SP4: variants seen among roughly 807,000 people sequenced by gnomAD.
SP4 encodes the protein transcription factor Sp4.
A neutral mutation model predicts 72.8 loss-of-function variants in SP4; 19 were observed. The ratio of observed to expected loss-of-function variants is 0.26; its 90% confidence interval spans 0.18 to 0.38. The LOEUF (loss-of-function observed/expected upper bound fraction) is 0.38. Among genes scored for constraint, SP4 ranks in the 10% least tolerant of loss-of-function variants. SP4 has a pLI of 1.00. For missense variants in SP4, 1,008 were observed against 926.3 expected (o/e 1.09, Z -1.14); for synonymous variants, 395 against 333.1 (o/e 1.19, Z -2.02).
chr7:21,509,791 A>G (rs1232938150), intron 5 of SP4, among the ~76,000 whole-genome samples: 2 of 152,250 alleles, frequency 1.3e-5, no homozygotes, highest in East Asian at 3.8e-4. Context: ...CAAGAAAAGA[A>G]ATTATCCAAA....
intron 5 of SP4, among the ~76,000 whole-genome samples, chr7:21,502,050 C>A (rs376468739): frequency 3.1e-5 from 4 of 128,150 alleles, no homozygotes; most frequent in Non-Finnish European, 6.4e-5. Context: ...ACCCCCCCCC[C>A]CCCGGAACTC....
intron 3 of SP4, among the ~76,000 whole-genome samples, chr7:21,464,072 T>C (rs1221307554): frequency 6.6e-6 from 1 of 151,702 alleles, no homozygotes; most frequent in African/African-American, 2.4e-5. Context: ...TTTATTATGA[T>C]AATTATTATT....
intron 5 of SP4, 73 bp from the exon 6 acceptor site, chr7:21,510,949 A>G: frequency 7.1e-7 from 1 of 1,410,584 alleles, no homozygotes. Flanking sequence ...TGTGACCAGA[A>G]GGGAGATTAT....
intron 5 of SP4, among the ~76,000 whole-genome samples, chr7:21,497,543 G>A (rs981352677): frequency 1.3e-5 from 2 of 152,070 alleles, no homozygotes; most frequent in Non-Finnish European, 2.9e-5. Flanking sequence ...GCAAAGTTTT[G>A]GAGGTTCTTC....
At chr7:21,481,092 G>A (rs1784672280) in intron 4 of SP4, among the ~76,000 whole-genome samples, 1 of 152,158 alleles carries the variant, frequency 6.6e-6, no homozygotes, top group Non-Finnish European at 1.5e-5. Flanking sequence ...CTATGAATGG[G>A]CCAGGTCAAG....
intron 3 of SP4, among the ~76,000 whole-genome samples, chr7:21,473,741 C>G (rs1989985): frequency 0.27 from 40,485 of 152,032 alleles, 6,843 homozygotes; most frequent in Non-Finnish European, 0.38. Flanking sequence ...CCCACTTAGA[C>G]TGGAGAGTAT....
At chr7:21,504,908 G>A (rs1398155542) in intron 5 of SP4, among the ~76,000 whole-genome samples, 3 of 152,158 alleles carry the variant, frequency 2.0e-5, no homozygotes, top group African/African-American at 7.2e-5. Context: ...GGAGGCAAAA[G>A]CAACAGATTC....
At chr7:21,440,938 G>A (rs1295890598) in intron 3 of SP4, among the ~76,000 whole-genome samples, 1 of 152,184 alleles carries the variant, frequency 6.6e-6, no homozygotes, top group Non-Finnish European at 1.5e-5. Flanking sequence ...AATGTCTGCT[G>A]TCTGATTAAC....
intron 5 of SP4, among the ~76,000 whole-genome samples, chr7:21,502,043 C>A (rs1055633596): frequency 3.1e-5 from 3 of 97,356 alleles, no homozygotes; most frequent in Non-Finnish European, 6.1e-5. Context: ...ATTAGGCACC[C>A]CCCCCCCCCC....
chr7:21,493,121 A>T (rs1785021392), intron 5 of SP4, among the ~76,000 whole-genome samples: 1 of 151,902 alleles, frequency 6.6e-6, no homozygotes, highest in Non-Finnish European at 1.5e-5. Flanking sequence ...AATTTCTGGA[A>T]CCCTGGAGGT....
intron 5 of SP4, among the ~76,000 whole-genome samples, chr7:21,482,992 T>C (rs1784726943): frequency 6.6e-6 from 1 of 152,210 alleles, no homozygotes; most frequent in African/African-American, 2.4e-5. Flanking sequence ...AGTGGAATTA[T>C]TGGATCATAG....
At chr7:21,441,934 A>T (rs953209635) in intron 3 of SP4, among the ~76,000 whole-genome samples, 2 of 151,980 alleles carry the variant, frequency 1.3e-5, no homozygotes, top group African/African-American at 4.8e-5. Context: ...TGTGGGAGAC[A>T]CACTGTACTT....
intron 3 of SP4, among the ~76,000 whole-genome samples, chr7:21,473,637 G>A (rs1370993790): frequency 6.6e-6 from 1 of 152,154 alleles, no homozygotes. Context: ...AGATGGGATG[G>A]TCAGGAATGG....
intron 5 of SP4, among the ~76,000 whole-genome samples, chr7:21,492,502 T>G (rs1028088576): frequency 6.6e-6 from 1 of 152,128 alleles, no homozygotes; most frequent in Admixed American, 6.5e-5. Flanking sequence ...CTGCAAATAT[T>G]CAAAAATCTG....
intron 3 of SP4, among the ~76,000 whole-genome samples, chr7:21,457,668 A>G (rs1034954099): frequency 3.3e-5 from 5 of 152,206 alleles, no homozygotes; most frequent in African/African-American, 9.6e-5. Flanking sequence ...GAGTTTTTCA[A>G]AGAAACCAAC....
rs185590308 is a variant in SP4 at position 21,501,147 on chromosome 7, C to T, written c.2108-9875C>T. Among the ~76,000 whole-genome samples, 23 of 152,274 alleles carry T rather than the reference C, an allele frequency of 1.5e-4. No individual in the cohort carries two copies. The East Asian group carries it at 2.1e-3, about 14-fold the overall frequency. ...TAATAAGGGTGTAATCTTCCCTTCC[C>T]TGCTTAAGTTTCGATTTCCCAATAA... is the stretch of plus-strand genomic sequence containing the variant. On this transcript the variant is annotated intron_variant, in intron 5 of 5. Transcript: ENST00000222584.
chr7:21,461,775 G>C (rs1783999055), intron 3 of SP4, among the ~76,000 whole-genome samples: 1 of 152,202 alleles, frequency 6.6e-6, no homozygotes, highest in African/African-American at 2.4e-5. Context: ...GTGAGCCAGG[G>C]CTGCCAGCAC....
intron 3 of SP4, among the ~76,000 whole-genome samples, chr7:21,474,746 A>G (rs541259205): frequency 6.6e-6 from 1 of 152,340 alleles, no homozygotes; most frequent in Admixed American, 6.5e-5. Flanking sequence ...CTCTGAGTGC[A>G]CAGTCATAAA....
chr7:21,456,953 G>A (rs534358234), intron 3 of SP4, among the ~76,000 whole-genome samples: 10 of 152,148 alleles, frequency 6.6e-5, no homozygotes, highest in Non-Finnish European at 1.2e-4. Context: ...GAATAGTTCT[G>A]GGGGTTGGTT....
Sources: allele counts gnomAD v4.1 joint callset (sites outside exome capture counted in the v4.1 genomes callset), GRCh38; gene constraint gnomAD v4.1.1; transcripts MANE v1.5; gene names NCBI Gene and HGNC (gene_info 2026-07-23, HGNC 2026-07-21).